The following VPS13D variants were observed in gnomAD, a reference collection of about 807,000 sequenced individuals.
VPS13D encodes the protein intermembrane lipid transfer protein VPS13D.
VPS13D carries 187 observed loss-of-function variants against 461.9 expected under a neutral mutation model. That is an observed-to-expected ratio of 0.40 (90% confidence interval 0.36 to 0.46). VPS13D has a LOEUF of 0.46. Ranked by LOEUF, VPS13D falls within the 20% of genes least tolerant of loss-of-function variation. The pLI, the probability that VPS13D is intolerant of heterozygous loss-of-function variation, is 0.60. For synonymous variants in VPS13D, 1,951 were observed against 1,986.3 expected, an observed-to-expected ratio of 0.98 and a Z score of 0.47; for missense variants, 4,711 against 5,364.9, an observed-to-expected ratio of 0.88 and a Z score of 3.81.
At chr1:12,285,905 A>G (rs1641951620) in intron 21 of VPS13D, among the ~76,000 whole-genome samples, 1 of 151,980 alleles carries the variant, frequency 6.6e-6, no homozygotes, top group African/African-American at 2.4e-5. Context: ...GGAGAATTAA[A>G]TAAAATGATG....
intron 17 of VPS13D, 22 bp downstream of exon 17, chr1:12,271,146 C>A: frequency 6.2e-7 from 1 of 1,613,478 alleles, no homozygotes. Context: ...TCCATAAACA[C>A]TCTTTGGGGA....
Position 12,366,553 on chromosome 1 carries a change from G to A in VPS13D, c.10449-1915G>A, listed in dbSNP as rs140277360. ...TTTGTATATTCCCTGGGTAGAGGCAGCCCCTATCTGTTGTGTGAGAATTGG... is the reference window on the plus strand; with the variant it reads ...TTTGTATATTCCCTGGGTAGAGGCAACCCCTATCTGTTGTGTGAGAATTGG... On this transcript the variant is annotated intron_variant, in intron 52 of 69. Transcript: ENST00000620676. 5.9e-5 allele frequency among the ~76,000 whole-genome samples: 9 copies of A among 152,314 alleles called. No individual in the cohort carries two copies. In the East Asian group the frequency reaches 1.7e-3, roughly 29 times the overall value.
chr1:12,301,884 G>T (rs1642433627), intron 25 of VPS13D, among the ~76,000 whole-genome samples: 1 of 152,152 alleles, frequency 6.6e-6, no homozygotes, highest in East Asian at 1.9e-4. Flanking sequence ...TTGTGTCAGG[G>T]ACTAAGACCA....
At chr1:12,256,693 T>G (rs1319357338) in intron 8 of VPS13D, among the ~76,000 whole-genome samples, 190 bp downstream of exon 8, 1 of 151,288 alleles carries the variant, frequency 6.6e-6, no homozygotes, top group Admixed American at 6.6e-5. Flanking sequence ...CAGGTTAGTT[T>G]TTTTTTTTTT....
intron 2 of VPS13D, among the ~76,000 whole-genome samples, chr1:12,241,550 G>T (rs1640373605): frequency 6.6e-6 from 1 of 152,198 alleles, no homozygotes; most frequent in African/African-American, 2.4e-5. Context: ...CACAGAGCAG[G>T]GCTCTATATA....
At chr1:12,340,209 G>T (rs1643538398) in intron 40 of VPS13D, among the ~76,000 whole-genome samples, 1 of 151,900 alleles carries the variant, frequency 6.6e-6, no homozygotes, top group Non-Finnish European at 1.5e-5. Context: ...AGCAAACTTT[G>T]GGAGCTAAGT....
At chr1:12,386,041 A>G in intron 59 of VPS13D, 144 bp from the exon 60 acceptor site, 6 of 893,396 alleles carry the variant, frequency 6.7e-6, no homozygotes, top group Non-Finnish European at 9.8e-6. Context: ...CCTCCAGGTA[A>G]ATAATAGGAC....
At chr1:12,478,331 C>G (rs1425904602) in intron 67 of VPS13D, among the ~76,000 whole-genome samples, 1 of 152,220 alleles carries the variant, frequency 6.6e-6, no homozygotes, top group Non-Finnish European at 1.5e-5. Flanking sequence ...TTAACCAGCA[C>G]GACGAAAAGG....
chr1:12,433,931 TGAGAGA>T (rs374176072), intron 65 of VPS13D, among the ~76,000 whole-genome samples: 1 of 126,526 alleles, frequency 7.9e-6, no homozygotes, highest in Non-Finnish European at 1.7e-5. Context: ...AGAGAGAGAG[TGAGAGA>T]GAGAGAGAGA....
At chr1:12,466,548 T>C (rs1645485469) in intron 67 of VPS13D, among the ~76,000 whole-genome samples, 2 of 152,244 alleles carry the variant, frequency 1.3e-5, no homozygotes, top group East Asian at 1.9e-4. Context: ...CCTGGTAAAA[T>C]TAACATTTCA....
At chr1:12,243,947 G>A (rs535922239) in intron 3 of VPS13D, among the ~76,000 whole-genome samples, 5 of 152,308 alleles carry the variant, frequency 3.3e-5, no homozygotes, top group Admixed American at 3.3e-4. Flanking sequence ...CCCTGAGCAA[G>A]TGTAAGATGT....
intron 65 of VPS13D, among the ~76,000 whole-genome samples, chr1:12,444,214 A>G (rs974989550): frequency 2.0e-5 from 3 of 152,090 alleles, no homozygotes; most frequent in Non-Finnish European, 4.4e-5. Context: ...GTCTTTTATG[A>G]TATCATCCCA....
chr1:12,236,431 AGTGCAGTGGC>A (rs1640149482), intron 2 of VPS13D, among the ~76,000 whole-genome samples: 1 of 151,882 alleles, frequency 6.6e-6, no homozygotes, highest in Admixed American at 6.6e-5. Flanking sequence ...CCCAGGCTGG[AGTGCAGTGGC>A]GTGATTTCAC....
rs140179355 is a variant in VPS13D, at chr1:12,277,763, C to T, written c.4175C>T (p.Pro1392Leu). 44 of 1,614,026 alleles carry T rather than the reference C, an allele frequency of 2.7e-5. No homozygotes were observed. The highest frequency in any genetic ancestry group is 4.0e-5 in the African/African-American group (3 of 74,906). Residue 1392 changes from proline (P) to leucine (L), a missense_variant, in exon 19 of 70, where the codon CCG becomes CTG. Transcript: ENST00000620676. ...ESPVVSIPRK[P>L]GSPELLVGHL... Reference sequence around the variant, plus strand: ...CCAGTTGTTTCTATCCCTCGGAAGCCGGGGAGTCCTGAGTTGTTGGTGGGA... The same window carrying T: ...CCAGTTGTTTCTATCCCTCGGAAGCTGGGGAGTCCTGAGTTGTTGGTGGGA...
At position 12,276,831 on chromosome 1, in the gene VPS13D, G is replaced by C. The variant is rs749420473; in HGVS notation, c.3243G>C (p.Lys1081Asn). The change falls in exon 19 of 70, where the codon AAG becomes AAC. Residue 1081 changes from lysine to asparagine, a missense_variant. Lys to Asn is a moderately conservative substitution (Grantham distance 94). Around this residue, in one of 3 missense-constraint regions of VPS13D, gnomAD observed 4,411 missense variants for 4,937.8 expected, o/e 0.89. Coordinates refer to ENST00000620676, the MANE Select transcript of VPS13D (RefSeq NM_015378.4). The surrounding 1 kb of genome is among the most constrained non-coding windows in gnomAD (Gnocchi z 4.5). ...CCAAAGAGCAAGAGTCCCTTATTAAGTTGGAATATCAGTTTGTGAGTTCAG... is the reference window on the plus strand; with the variant it reads ...CCAAAGAGCAAGAGTCCCTTATTAACTTGGAATATCAGTTTGTGAGTTCAG... ...ILTKEQESLI[K>N]LEYQFVSSEC... The C allele has an allele frequency of 6.2e-7, 1 of 1,614,136 alleles. No homozygotes were observed. The highest frequency in any genetic ancestry group is 8.5e-7 in the Non-Finnish European group (1 of 1,180,014).
At chr1:12,307,012 A>G (rs188058563) in intron 26 of VPS13D, among the ~76,000 whole-genome samples, 1 of 152,282 alleles carries the variant, frequency 6.6e-6, no homozygotes, top group Admixed American at 6.5e-5. Flanking sequence ...GAATCTCCAA[A>G]GCCTGCTTCA....
At chr1:12,233,859 C>T (rs933020477) in intron 1 of VPS13D, among the ~76,000 whole-genome samples, 10 of 151,894 alleles carry the variant, frequency 6.6e-5, no homozygotes, top group South Asian at 2.1e-4. Flanking sequence ...ACAGGCTGGT[C>T]AACATGGTGA....
At chr1:12,459,518 C>T (rs1428834455) in intron 66 of VPS13D, among the ~76,000 whole-genome samples, 2 of 146,458 alleles carry the variant, frequency 1.4e-5, no homozygotes, top group Admixed American at 6.8e-5. Flanking sequence ...CTCGCTCGGT[C>T]GCCAGACTGG....
chr1:12,403,106 G>T (rs1023504676), intron 62 of VPS13D, among the ~76,000 whole-genome samples: 1 of 152,232 alleles, frequency 6.6e-6, no homozygotes, highest in East Asian at 1.9e-4. Context: ...TGATAAGTAG[G>T]TATGTGCCAG....
Sources: allele counts gnomAD v4.1 joint callset (sites outside exome capture counted in the v4.1 genomes callset), GRCh38; gene constraint gnomAD v4.1.1; regional missense constraint gnomAD v4.1.1; non-coding constraint Gnocchi (gnomAD v3.1); transcripts MANE v1.5; gene names NCBI Gene and HGNC (gene_info 2026-07-23, HGNC 2026-07-21).